Variants in SMO observed in about 807,000 individuals in gnomAD.
SMO encodes the protein protein smoothened.
Under a neutral mutation model 81.6 loss-of-function variants are expected in SMO, and 40 were observed. That is an observed-to-expected ratio of 0.49 (90% CI 0.38 to 0.64). The LOEUF is 0.64. Ranked by LOEUF, SMO falls within the 30% of genes least tolerant of loss-of-function variation. The pLI is 0.00. For missense variants in SMO, 916 were observed against 1,061.1 expected (o/e 0.86, Z 1.90); for synonymous variants, 434 against 432.1 (o/e 1.00, Z -0.05).
chr7:129,203,650 A>G (rs774958315), intron 2 of SMO, 61 bp downstream of exon 2: 1 of 1,365,446 alleles, frequency 7.3e-7, no homozygotes, highest in Non-Finnish European at 1.0e-6. Flanking sequence ...GGTATAGGGC[A>G]GGGTCCAGTG....
chr7:129,189,129 T>C lies in SMO; in HGVS notation c.-23T>C. The C allele has an allele frequency of 2.5e-6, 3 of 1,199,080 alleles. No homozygotes were observed. The highest frequency in any genetic ancestry group is 3.1e-6 in the Non-Finnish European group (3 of 964,268). The allele number at this position is 1,199,080 out of a possible 1,614,324, so 74.3% of individuals were successfully genotyped here. On this transcript the variant is annotated 5_prime_UTR_variant, in exon 1 of 12. Coordinates refer to ENST00000249373, the MANE Select transcript of SMO (RefSeq NM_005631.5). The surrounding 1 kb of genome is among the most constrained non-coding windows in gnomAD (Gnocchi z 4.7). Reference sequence around the variant, plus strand: ...GGAGCAGGCGGGGGCGCCGGGGCTTTTGCTGAGTTGGCGGGGTTGGCCATG... The same window carrying C: ...GGAGCAGGCGGGGGCGCCGGGGCTTCTGCTGAGTTGGCGGGGTTGGCCATG...
At chr7:129,203,303 G>A (rs1330920142) in intron 1 of SMO, 81 bp from the exon 2 acceptor site, 2 of 1,078,812 alleles carry the variant, frequency 1.9e-6, no homozygotes, top group Non-Finnish European at 2.7e-6. Context: ...GTGTGGCAAA[G>A]GCCTGGAGGA....
In SMO at chr7:129,208,643, C is replaced by A; in HGVS notation, c.1265-116C>A. The A allele has an allele frequency of 1.5e-6, 1 of 660,530 alleles. No homozygotes were observed. The allele number at this position is 660,530 out of a possible 1,614,324, so 40.9% of individuals were successfully genotyped here. A position where few individuals can be genotyped will look rare whatever the true frequency, so the allele number is the denominator to read the frequency against. On this transcript the variant is annotated intron_variant, in intron 6 of 11. Transcript: ENST00000249373. This position sits in a 1 kb window ranked among gnomAD's most constrained non-coding sequence, Gnocchi z 5.2. ...TCTAGCTCCCCAGGTTTTCATTTAG[C>A]ACAGGGGTAATCAGACTTGGGACTC... is the stretch of plus-strand genomic sequence containing the variant.
Position 129,211,176 on chromosome 7 carries a change from C to A in SMO, c.1801+63C>A, listed in dbSNP as rs2150655037. 1 of 1,522,028 alleles carries A rather than the reference C, an allele frequency of 6.6e-7. No individual in the cohort carries two copies. The highest frequency in any genetic ancestry group is 8.9e-7 in the Non-Finnish European group (1 of 1,119,154). The allele number at this position is 1,522,028 out of a possible 1,614,324, so 94.3% of individuals were successfully genotyped here. On this transcript the variant is annotated intron_variant, in intron 10 of 11. Coordinates refer to ENST00000249373, the MANE Select transcript of SMO (RefSeq NM_005631.5). The surrounding 1 kb of genome is among the most constrained non-coding windows in gnomAD (Gnocchi z 4.6). ...CCGCGCTGCCCATGTGCTAGTCTCT[C>A]CCAGCCTGCTGGGGGCACACAGATT...
In SMO at chr7:129,189,235, G is replaced by C. The variant is rs934302523; in HGVS notation, c.84G>C (p.Arg28=). Reference sequence around the variant, plus strand: ...TGCTGCTGCTGGGGGACCCGGGCCGGGGGGCGGCCTCGAGCGGGAACGCGA... The same window carrying C: ...TGCTGCTGCTGGGGGACCCGGGCCGCGGGGCGGCCTCGAGCGGGAACGCGA... ...LLLLLLGDPG[R]GAASSGNATG... Residue 28 remains arginine (R), a synonymous_variant, in exon 1 of 12, where the codon CGG becomes CGC. Transcript: ENST00000249373. The surrounding 1 kb of genome is among the most constrained non-coding windows in gnomAD (Gnocchi z 4.7). 24 of 1,196,458 alleles carry C rather than the reference G, an allele frequency of 2.0e-5. No homozygotes were observed. Among genetic ancestry groups the C allele is most frequent in the Non-Finnish European group, 2.5e-5 (24 of 956,982 alleles). 74.1% of individuals were successfully genotyped at this position (1,196,458 alleles called of 1,614,324 possible). A position where few individuals can be genotyped will look rare whatever the true frequency, so the allele number is the denominator to read the frequency against.
rs1793889189 is a variant in SMO, at chr7:129,212,328, A to G, written c.2241A>G (p.Pro747=). ...FCPEPSPPQD[P]FLPSAPAPVA... ...CAGAGCCCAGTCCCCCTCAGGATCC[A>G]TTTCTGCCCAGTGCACCGGCCCCCG... The change falls in exon 12 of 12, where the codon CCA becomes CCG. Residue 747 remains proline (P), a synonymous_variant. Transcript: ENST00000249373. The surrounding 1 kb of genome is among the most constrained non-coding windows in gnomAD (Gnocchi z 5.0). The G allele has an allele frequency of 1.9e-6, 3 of 1,614,034 alleles. No individual in the cohort carries two copies. The highest frequency in any genetic ancestry group is 2.5e-6 in the Non-Finnish European group (3 of 1,180,002).
Position 129,203,506 on chromosome 7 carries a change from G to C in SMO, c.454G>C (p.Gly152Arg), listed in dbSNP as rs745721179. Residue 152 changes from glycine to arginine, a missense_variant, in exon 2 of 12, where the codon GGC becomes CGC. By Grantham distance (125) the Gly-to-Arg change is moderately radical. Transcript: ENST00000249373. The stretch of plus-strand genomic sequence containing the variant: ...CCGTACCCTCTGCCAGGCCACCCGA[G>C]GCCCCTGTGCCATCGTGGAGAGGGA... ...PSRTLCQATRGPCAIVERERG... is the reference protein window; with the variant it reads ...PSRTLCQATRRPCAIVERERG... 6.2e-7 allele frequency: 1 copy of C among 1,607,270 alleles called. No individual in the cohort carries two copies. The highest frequency in any genetic ancestry group is 2.2e-5 in the East Asian group (1 of 44,798).
chr7:129,210,610 C>T lies in SMO; in HGVS notation c.1652+62C>T. ...CTCACCCTCAGCCTTGGGACCCCAT[C>T]TTTAGGTTTTGTCGGGTCCTGCCTC... On this transcript the variant is annotated intron_variant, in intron 9 of 11. Transcript: ENST00000249373. This position sits in a 1 kb window ranked among gnomAD's most constrained non-coding sequence, Gnocchi z 4.7. The T allele has an allele frequency of 7.2e-7, 1 of 1,397,432 alleles. No individual in the cohort carries two copies. The highest frequency in any genetic ancestry group is 1.2e-5 in the South Asian group (1 of 84,752). The allele number at this position is 1,397,432 out of a possible 1,614,324, so 86.6% of individuals were successfully genotyped here.
rs2150638012 is a variant in SMO at position 129,189,264 on chromosome 7, G to A, written c.113G>A (p.Gly38Glu). 1 of 1,368,900 alleles carries A rather than the reference G, an allele frequency of 7.3e-7. No homozygotes were observed. 84.8% of individuals were successfully genotyped at this position (1,368,900 alleles called of 1,614,324 possible). Reference sequence around the variant, plus strand: ...GCGGCCTCGAGCGGGAACGCGACCGGGCCTGGGCCTCGGAGCGCGGGCGGG... The same window carrying A: ...GCGGCCTCGAGCGGGAACGCGACCGAGCCTGGGCCTCGGAGCGCGGGCGGG... ...RGAASSGNAT[G>E]PGPRSAGGSA... Residue 38 changes from glycine (G) to glutamate (E), a missense_variant, in exon 1 of 12, where the codon GGG becomes GAG. Gly to Glu is a moderately conservative substitution (Grantham distance 98, BLOSUM62 -2). Coordinates refer to ENST00000249373, the MANE Select transcript of SMO (RefSeq NM_005631.5). The surrounding 1 kb of genome is among the most constrained non-coding windows in gnomAD (Gnocchi z 4.7).
rs758232638 is a variant in SMO, at chr7:129,211,694, G to A, written c.1860G>A (p.Gln620=). The part of the protein sequence containing the change: ...PSADVSSAWA[Q]HVTKMVARRG... ...CTGATGTCTCCTCTGCCTGGGCCCA[G>A]CATGTCACCAAGATGGTGGCTCGGA... The change falls in exon 11 of 12, where the codon CAG becomes CAA. Residue 620 remains glutamine, a synonymous_variant. Transcript: ENST00000249373. This position sits in a 1 kb window ranked among gnomAD's most constrained non-coding sequence, Gnocchi z 4.6. 1 of 1,613,788 alleles carries A rather than the reference G, an allele frequency of 6.2e-7. No homozygotes were observed. Among genetic ancestry groups the A allele is most frequent in the Non-Finnish European group, 8.5e-7 (1 of 1,179,962 alleles).
chr7:129,211,579 C>A lies in SMO; in HGVS notation c.1802-57C>A, dbSNP rs2150655382. ...TGAATGGCACTGACTATGGGAGGCA[C>A]TGCCAGGGACCGGGAAGTCACTATT... On this transcript the variant is annotated intron_variant, in intron 10 of 11. Coordinates refer to ENST00000249373, the MANE Select transcript of SMO (RefSeq NM_005631.5). The surrounding 1 kb of genome is among the most constrained non-coding windows in gnomAD (Gnocchi z 4.6). The A allele has an allele frequency of 6.3e-7, 1 of 1,586,482 alleles. No individual in the cohort carries two copies. Among genetic ancestry groups the A allele is most frequent in the South Asian group, 1.1e-5 (1 of 88,810 alleles).
chr7:129,211,194 C>A lies in SMO; in HGVS notation c.1801+81C>A, dbSNP rs2150655092. ...AGTCTCTCCCAGCCTGCTGGGGGCA[C>A]ACAGATTATTTGGAAGACCGACTGT... On this transcript the variant is annotated intron_variant, in intron 10 of 11. Coordinates refer to ENST00000249373, the MANE Select transcript of SMO (RefSeq NM_005631.5). This position sits in a 1 kb window ranked among gnomAD's most constrained non-coding sequence, Gnocchi z 4.6. 7 of 1,442,268 alleles carry A rather than the reference C, an allele frequency of 4.9e-6. No homozygotes were observed. Among genetic ancestry groups the A allele is most frequent in the Non-Finnish European group, 6.7e-6 (7 of 1,050,942 alleles). 89.3% of individuals were successfully genotyped at this position (1,442,268 alleles called of 1,614,324 possible).
chr7:129,193,487 G>A lies in SMO; in HGVS notation c.331+4005G>A, dbSNP rs1232056779. 2.6e-5 allele frequency among the ~76,000 whole-genome samples: 4 copies of A among 151,782 alleles called. No homozygotes were observed. In the East Asian group the frequency reaches 5.8e-4, roughly 22 times the overall value. ...TAAAAAGATATATATGGCCGGGCGC[G>A]GTGGCTCACGCCTGCAATCCCAGCA... On this transcript the variant is annotated intron_variant, in intron 1 of 11. Transcript: ENST00000249373.
Position 129,206,626 on chromosome 7 carries a change from A to G in SMO, c.1264+39A>G. On this transcript the variant is annotated intron_variant, in intron 6 of 11. Transcript: ENST00000249373. The surrounding 1 kb of genome is among the most constrained non-coding windows in gnomAD (Gnocchi z 4.4). ...AGGCCAGGACCAGTTGGGCAACAAA[A>G]TATACTGGGCACTTGCTGCCAGTAC... 1.2e-6 allele frequency: 2 copies of G among 1,608,256 alleles called. No homozygotes were observed. The highest frequency in any genetic ancestry group is 1.7e-6 in the Non-Finnish European group (2 of 1,176,270).
rs2150638578 is a variant in SMO, at chr7:129,189,496, A to T, written c.331+14A>T. On this transcript the variant is annotated intron_variant, in intron 1 of 11. Transcript: ENST00000249373. The surrounding 1 kb of genome is among the most constrained non-coding windows in gnomAD (Gnocchi z 4.7). ...TGCTCTGGTCGGGTAAGTGCGGCGG[A>T]GCCGGGTCTGGGGGGCGGGAGGTGC... 1 of 1,535,002 alleles carries T rather than the reference A, an allele frequency of 6.5e-7. No homozygotes were observed. The highest frequency in any genetic ancestry group is 1.2e-5 in the South Asian group (1 of 83,966).
intron 4 of SMO, 82 bp downstream of exon 4, chr7:129,205,864 G>A (rs1793757330): frequency 7.8e-7 from 1 of 1,276,972 alleles, no homozygotes; most frequent in Non-Finnish European, 1.1e-6. Context: ...GCAGGTGCGT[G>A]TAAAACCGAG....
In SMO at chr7:129,211,182, C is replaced by A. The variant is rs2150655060; in HGVS notation, c.1801+69C>A. The A allele has an allele frequency of 4.1e-6, 6 of 1,463,816 alleles. No individual in the cohort carries two copies. The highest frequency in any genetic ancestry group is 5.6e-6 in the Non-Finnish European group (6 of 1,067,968). 90.7% of individuals were successfully genotyped at this position (1,463,816 alleles called of 1,614,324 possible). ...TGCCCATGTGCTAGTCTCTCCCAGC[C>A]TGCTGGGGGCACACAGATTATTTGG... On this transcript the variant is annotated intron_variant, in intron 10 of 11. Coordinates refer to ENST00000249373, the MANE Select transcript of SMO (RefSeq NM_005631.5). This position sits in a 1 kb window ranked among gnomAD's most constrained non-coding sequence, Gnocchi z 4.6.
intron 1 of SMO, among the ~76,000 whole-genome samples, chr7:129,198,754 A>G (rs1255616579): frequency 6.6e-6 from 1 of 152,224 alleles, no homozygotes; most frequent in Non-Finnish European, 1.5e-5. Context: ...CATAGGTTAT[A>G]CTGTATCAGC....
intron 1 of SMO, among the ~76,000 whole-genome samples, chr7:129,198,414 G>C (rs1292151873): frequency 6.6e-6 from 1 of 152,184 alleles, no homozygotes; most frequent in Non-Finnish European, 1.5e-5. Flanking sequence ...TCCAACATCT[G>C]TCCAGATGTA....
Sources: allele counts gnomAD v4.1 joint callset (sites outside exome capture counted in the v4.1 genomes callset), GRCh38; gene constraint gnomAD v4.1.1; non-coding constraint Gnocchi (gnomAD v3.1); transcripts MANE v1.5; gene names NCBI Gene and HGNC (gene_info 2026-07-23, HGNC 2026-07-21).